Variants in TMEM272 observed in about 807,000 individuals in gnomAD.
The protein encoded by TMEM272 is long intergenic non-protein coding RNA 282.
A neutral mutation model predicts 3.7 loss-of-function variants in TMEM272; 8 were observed. That is an observed-to-expected ratio of 2.17 (90% CI 1.27 to 3.91). TMEM272 has a LOEUF of 3.91. TMEM272 is among the 30% of genes most tolerant of loss of function. TMEM272 has a pLI of 0.00. For missense variants in TMEM272, 166 were observed against 91.5 expected (o/e 1.81, Z -3.32); for synonymous variants, 63 against 39.8 (o/e 1.58, Z -2.20).
chr13:51,866,995 T>C, the TMEM272 span, among the ~76,000 whole-genome samples: 1 of 152,340 alleles, frequency 6.6e-6, no homozygotes, highest in East Asian at 1.9e-4. Context: ...TGCCCAACTT[T>C]TCTTCTGGGG....
At chr13:51,860,154 G>A in the TMEM272 span, among the ~76,000 whole-genome samples, 7 of 152,030 alleles carry the variant, frequency 4.6e-5, no homozygotes, top group Non-Finnish European at 8.8e-5. Context: ...CTCCCTCCTC[G>A]GCCTCCCAAA....
chr13:51,856,067 GT>G, the TMEM272 span, among the ~76,000 whole-genome samples: 1 of 152,194 alleles, frequency 6.6e-6, no homozygotes, highest in Non-Finnish European at 1.5e-5. Context: ...AGAGGTTAGA[GT>G]TTTTATAGAT....
the TMEM272 span, among the ~76,000 whole-genome samples, chr13:51,887,792 T>G: frequency 4.6e-5 from 7 of 152,182 alleles, no homozygotes; most frequent in African/African-American, 1.7e-4. Context: ...TCTCCTCCCA[T>G]TCTGGAAGAT....
At chr13:51,833,819 T>C (rs1956193111) in intron 2 of TMEM272, among the ~76,000 whole-genome samples, 2 of 152,196 alleles carry the variant, frequency 1.3e-5, no homozygotes, top group African/African-American at 4.8e-5. Context: ...TTGCCATCTC[T>C]TTCTCTGATC....
At chr13:51,899,406 T>C in the TMEM272 span, among the ~76,000 whole-genome samples, 1 of 152,216 alleles carries the variant, frequency 6.6e-6, no homozygotes, top group Admixed American at 6.5e-5. Context: ...GAAAGGTTTT[T>C]CCAGTGTACT....
chr13:51,813,744 TGCTTTC>T lies in TMEM272; in HGVS notation c.*3001_*3006del, dbSNP rs1352831549. Reference sequence around the variant, plus strand: ...TCCAGTGAAACAGTCCCACTTTTACTGCTTTCAACTGTCATTTATATAGATTCAGGC... The same window carrying T: ...TCCAGTGAAACAGTCCCACTTTTACTAACTGTCATTTATATAGATTCAGGC... On this transcript the variant is annotated 3_prime_UTR_variant, in exon 5 of 5. Transcript: ENST00000629372. 1 of 155,228 alleles carries T rather than the reference TGCTTTC, an allele frequency of 6.4e-6. No individual in the cohort carries two copies. The highest frequency in any genetic ancestry group is 6.5e-5 in the Admixed American group (1 of 15,356). 9.6% of individuals were successfully genotyped at this position (155,228 alleles called of 1,614,324 possible).
chr13:51,815,172 A>G lies in TMEM272; in HGVS notation c.*1579T>C, dbSNP rs1956006951. 1 of 152,940 alleles carries G rather than the reference A, an allele frequency of 6.5e-6. No homozygotes were observed. The highest frequency in any genetic ancestry group is 3.1e-3 in the Middle Eastern group (1 of 320). The allele number at this position is 152,940 out of a possible 1,614,324, so 9.5% of individuals were successfully genotyped here. ...CACAGTGAGGATGGAATTGGGCATC[A>G]TAGGTGAGGTAGGATCTGCAAACTG... On this transcript the variant is annotated 3_prime_UTR_variant, in exon 5 of 5. Transcript: ENST00000629372.
chr13:51,927,045 T>C, the TMEM272 span, among the ~76,000 whole-genome samples: 15 of 152,238 alleles, frequency 9.9e-5, no homozygotes, highest in Non-Finnish European at 2.2e-4. Context: ...TAAACCCAAG[T>C]AAGTGTATCC....
chr13:51,908,933 C>G, the TMEM272 span: 9 of 1,385,342 alleles, frequency 6.5e-6, no homozygotes, highest in Non-Finnish European at 8.2e-6. Context: ...TCTGGTGGTC[C>G]AGAGGATTCC....
At chr13:51,860,125 G>C in the TMEM272 span, among the ~76,000 whole-genome samples, 1 of 152,050 alleles carries the variant, frequency 6.6e-6, no homozygotes, top group Non-Finnish European at 1.5e-5. Context: ...ACTCCTACCA[G>C]GAGGACGCTC....
upstream of TMEM272, among the ~76,000 whole-genome samples, chr13:51,850,035 T>C (rs1956323986): frequency 1.3e-5 from 2 of 152,138 alleles, no homozygotes; most frequent in Non-Finnish European, 2.9e-5. Context: ...GGCAATGTAT[T>C]GAGACTAAAA....
At chr13:51,855,671 C>T in the TMEM272 span, among the ~76,000 whole-genome samples, 23 of 151,752 alleles carry the variant, frequency 1.5e-4, no homozygotes, top group South Asian at 8.4e-4. Context: ...GATTAGACAC[C>T]GCTGAAGAAA....
chr13:51,858,174 C>T, the TMEM272 span, among the ~76,000 whole-genome samples: 1 of 152,168 alleles, frequency 6.6e-6, no homozygotes, highest in African/African-American at 2.4e-5. Context: ...ACTGACAGAA[C>T]AAGCAGCCAG....
At chr13:51,851,129 G>GT in the TMEM272 span, among the ~76,000 whole-genome samples, 1 of 152,120 alleles carries the variant, frequency 6.6e-6, no homozygotes. Context: ...GGGCCTAGGA[G>GT]TTTGAGACCA....
the TMEM272 span, among the ~76,000 whole-genome samples, chr13:51,875,287 G>A: frequency 6.6e-6 from 1 of 152,140 alleles, no homozygotes; most frequent in Non-Finnish European, 1.5e-5. Context: ...AGGTGGAATG[G>A]GGATTTGGAC....
chr13:51,872,384 T>C, the TMEM272 span, among the ~76,000 whole-genome samples: 1 of 150,314 alleles, frequency 6.7e-6, no homozygotes, highest in East Asian at 1.9e-4. Flanking sequence ...CAAACATAGA[T>C]AGGGGAAGTT....
chr13:51,830,519 G>C (rs1956164234), intron 2 of TMEM272, among the ~76,000 whole-genome samples: 2 of 152,312 alleles, frequency 1.3e-5, no homozygotes, highest in South Asian at 4.1e-4. Context: ...TAACAGACTT[G>C]TCAAAATCAT....
At chr13:51,840,843 C>T (rs1390687790) in intron 1 of TMEM272, among the ~76,000 whole-genome samples, 2 of 152,222 alleles carry the variant, frequency 1.3e-5, no homozygotes, top group Non-Finnish European at 1.5e-5. Context: ...ATCAGGAACA[C>T]CACAGCCCTG....
chr13:51,913,983 G>A, the TMEM272 span, among the ~76,000 whole-genome samples: 2 of 152,222 alleles, frequency 1.3e-5, no homozygotes, highest in Admixed American at 1.3e-4. Context: ...AGACAGACAG[G>A]CAAAGCTGAC....
Sources: gnomAD v4.1 joint callset for allele counts (sites outside exome capture counted in the v4.1 genomes callset) on GRCh38, gnomAD v4.1.1 for gene constraint, MANE v1.5 for transcripts, NCBI Gene and HGNC (gene_info 2026-07-23, HGNC 2026-07-21) for gene names.